The following LIN28B variants were observed in gnomAD, a reference collection of about 807,000 sequenced individuals.
The protein encoded by LIN28B is protein lin-28 homolog B.
Under a neutral mutation model 21.9 loss-of-function variants are expected in LIN28B, and 5 were observed. The ratio of observed to expected loss-of-function variants is 0.23; its 90% CI spans 0.12 to 0.48. The LOEUF is 0.48. LIN28B is among the 20% of genes least tolerant of loss of function. The pLI, the probability that LIN28B is intolerant of heterozygous loss-of-function variation, is 0.98. For synonymous variants in LIN28B, 109 were observed against 111.3 expected (o/e 0.98, Z 0.13); for missense variants, 245 against 310.5 (o/e 0.79, Z 1.58).
At chr6:105,020,747 CTTTTTT>C (rs1176851045) in intron 2 of LIN28B, among the ~76,000 whole-genome samples, 2 of 85,420 alleles carry the variant, frequency 2.3e-5, no homozygotes, top group African/African-American at 1.1e-4. Context: ...TCATTCCACT[CTTTTTT>C]TTTTTTTTTT....
chr6:105,078,649 C>G lies in LIN28B; in HGVS notation c.619C>G (p.Pro207Ala), dbSNP rs1554192090. Residue 207 changes from proline to alanine, a missense_variant, in exon 4 of 4, where the codon CCT (proline) becomes GCT (alanine). Physicochemically the swap from Pro to Ala is conservative, Grantham distance 27 (BLOSUM62 -1). Transcript: ENST00000345080. The stretch of plus-strand genomic sequence containing the variant: ...GCATGGCTGTACATCACCACCGTTT[C>G]CTCAGGAGGCTAGGGCAGAGATCTC... ...GGHGCTSPPF[P>A]QEARAEISER... is the part of the protein sequence containing the mutation. The G allele has an allele frequency of 1.2e-5, 19 of 1,614,158 alleles. 1 individual carries two copies. In the South Asian group the frequency reaches 2.1e-4, roughly 18 times the overall value.
intron 2 of LIN28B, among the ~76,000 whole-genome samples, chr6:104,983,814 G>A (rs556594355): frequency 3.3e-5 from 5 of 152,226 alleles, no homozygotes; most frequent in Middle Eastern, 3.4e-3. Flanking sequence ...GACCTCAAGT[G>A]ATCCACTCAC....
At chr6:105,076,679 C>T (rs1772430636) in intron 3 of LIN28B, among the ~76,000 whole-genome samples, 1 of 151,920 alleles carries the variant, frequency 6.6e-6, no homozygotes, top group Admixed American at 6.6e-5. Context: ...GCAATCTCGG[C>T]TTACTGCAAC....
At chr6:105,075,935 A>G (rs1772416129) in intron 3 of LIN28B, among the ~76,000 whole-genome samples, 1 of 152,256 alleles carries the variant, frequency 6.6e-6, no homozygotes, top group Non-Finnish European at 1.5e-5. Context: ...TTAATTCAAA[A>G]GAAGATATTT....
At position 104,989,576 on chromosome 6, in the gene LIN28B, GTTTTTTTTTTT is replaced by G. The variant is rs34394074; in HGVS notation, c.198+31305_198+31315del. ...GAAACTTTATTTTTATTTTACTTGG[GTTTTTTTTTTT>G]TTTTTTTTTTTTTTGCATTTTTTTG... On this transcript the variant is annotated intron_variant, in intron 2 of 3. Transcript: ENST00000345080. 5.6e-4 allele frequency among the ~76,000 whole-genome samples: 34 copies of G among 60,600 alleles called. No homozygotes were observed. In the East Asian group the frequency reaches 0.013, roughly 24 times the overall value. 39.8% of individuals were successfully genotyped at this position (60,600 alleles called of 152,430 possible). A position where few individuals can be genotyped will look rare whatever the true frequency, so the allele number is the denominator to read the frequency against.
At chr6:105,040,546 T>C (rs967099290) in intron 3 of LIN28B, among the ~76,000 whole-genome samples, 21 of 151,996 alleles carry the variant, frequency 1.4e-4, no homozygotes, top group Non-Finnish European at 2.9e-4. Context: ...CCTGATATTA[T>C]AAATACACAC....
At chr6:104,997,550 C>G (rs548111991) in intron 2 of LIN28B, among the ~76,000 whole-genome samples, 2,550 of 151,704 alleles carry the variant, frequency 0.017, 39 homozygotes, top group Non-Finnish European at 0.028. Flanking sequence ...CCCGCCCCCC[C>G]CCGCCACACA....
chr6:105,057,201 A>G (rs1323296447), intron 3 of LIN28B, among the ~76,000 whole-genome samples: 2 of 152,184 alleles, frequency 1.3e-5, no homozygotes, highest in African/African-American at 4.8e-5. Context: ...TAATTTCTTT[A>G]TAACCTCTTG....
chr6:104,959,787 A>C (rs314277), intron 2 of LIN28B, among the ~76,000 whole-genome samples: 119,684 of 152,012 alleles, frequency 0.79, 48,143 homozygotes, highest in East Asian at 0.96. Context: ...TCTTTCTTCC[A>C]CCTTTGAACC....
chr6:105,077,004 C>T (rs13216140), intron 3 of LIN28B, among the ~76,000 whole-genome samples: 2 of 151,934 alleles, frequency 1.3e-5, no homozygotes, highest in South Asian at 2.1e-4. Flanking sequence ...AAGGGGCAGG[C>T]GGATCACTTG....
chr6:104,966,490 C>G (rs1356693191), intron 2 of LIN28B, among the ~76,000 whole-genome samples: 2 of 151,724 alleles, frequency 1.3e-5, no homozygotes, highest in Non-Finnish European at 2.9e-5. Flanking sequence ...GAGTATTGCT[C>G]TTGCTCAGGC....
At chr6:105,004,462 G>A (rs1057185189) in intron 2 of LIN28B, among the ~76,000 whole-genome samples, 1 of 151,854 alleles carries the variant, frequency 6.6e-6, no homozygotes, top group Non-Finnish European at 1.5e-5. Context: ...TCATACTTCT[G>A]TATCTTTTTT....
intron 2 of LIN28B, among the ~76,000 whole-genome samples, chr6:104,960,904 C>A (rs1769726909): frequency 6.6e-6 from 1 of 152,152 alleles, no homozygotes; most frequent in African/African-American, 2.4e-5. Context: ...TACCATCAAA[C>A]TTTCTTGTAG....
rs539611031 is a variant in LIN28B at position 104,987,447 on chromosome 6, G to A, written c.198+29161G>A. Among the ~76,000 whole-genome samples, 4 of 152,058 alleles carry A rather than the reference G, an allele frequency of 2.6e-5. No individual in the cohort carries two copies. In the East Asian group the frequency reaches 7.7e-4, roughly 29 times the overall value. On this transcript the variant is annotated intron_variant, in intron 2 of 3. Transcript: ENST00000345080. ...CAACCTCAAACTCTTGGGCTCAGTG[G>A]GTCCTGCCGCCTCAGCCTCCTTAGT...
intron 3 of LIN28B, among the ~76,000 whole-genome samples, chr6:105,070,770 C>G (rs1772319007): frequency 6.6e-6 from 1 of 152,070 alleles, no homozygotes; most frequent in Non-Finnish European, 1.5e-5. Flanking sequence ...AGAGCTAGAC[C>G]TTATCTCAAG....
chr6:105,065,010 G>A (rs373320343), intron 3 of LIN28B, among the ~76,000 whole-genome samples: 42 of 152,230 alleles, frequency 2.8e-4, no homozygotes, highest in African/African-American at 9.6e-4. Flanking sequence ...AGAGTATTTG[G>A]ACTTGTATAA....
chr6:104,997,891 T>C (rs961800597), intron 2 of LIN28B, among the ~76,000 whole-genome samples: 7 of 152,198 alleles, frequency 4.6e-5, no homozygotes, highest in Non-Finnish European at 8.8e-5. Context: ...CCCTTGTGCC[T>C]TTTTGATGAG....
chr6:104,958,786 A>C (rs907206098), intron 2 of LIN28B, among the ~76,000 whole-genome samples: 15 of 152,240 alleles, frequency 9.9e-5, no homozygotes, highest in Non-Finnish European at 1.6e-4. Flanking sequence ...TTGTAGATTC[A>C]GATCAAAATA....
chr6:105,041,732 G>A (rs1381650036), intron 3 of LIN28B, among the ~76,000 whole-genome samples: 1 of 152,286 alleles, frequency 6.6e-6, no homozygotes, highest in East Asian at 1.9e-4. Flanking sequence ...ACCAGCATCA[G>A]CATCACATGG....
Sources: allele counts gnomAD v4.1 joint callset (sites outside exome capture counted in the v4.1 genomes callset), GRCh38; gene constraint gnomAD v4.1.1; transcripts MANE v1.5; gene names NCBI Gene and HGNC (gene_info 2026-07-23, HGNC 2026-07-21).